Variants in PDE5A observed in about 807,000 individuals in gnomAD.
PDE5A encodes phosphodiesterase 5A.
Under a neutral mutation model 110.2 loss-of-function variants are expected in PDE5A, and 67 were observed. The ratio of observed to expected loss-of-function variants is 0.61; its 90% CI spans 0.50 to 0.75. PDE5A has a LOEUF of 0.75. Among genes scored for constraint, PDE5A ranks in the 30% least tolerant of loss-of-function variants. PDE5A has a pLI of 0.00. For synonymous variants in PDE5A, 328 were observed against 351.2 expected (o/e 0.93, Z 0.74); for missense variants, 862 against 1,045.1 (o/e 0.82, Z 2.42).
chr4:119,501,752 A>T (rs900047342), intron 19 of PDE5A, among the ~76,000 whole-genome samples: 5 of 152,218 alleles, frequency 3.3e-5, no homozygotes, highest in Non-Finnish European at 7.3e-5. Flanking sequence ...GGCTGAGAGG[A>T]ATCTTTACTT....
chr4:119,508,782 A>C (rs1391511767), intron 15 of PDE5A, among the ~76,000 whole-genome samples: 1 of 152,002 alleles, frequency 6.6e-6, no homozygotes, highest in Admixed American at 6.6e-5. Flanking sequence ...TTTTGGTGCT[A>C]TATTTTTATT....
At chr4:119,502,786 C>T (rs933828252) in intron 18 of PDE5A, 131 bp from the exon 19 acceptor site, 43 of 610,418 alleles carry the variant, frequency 7.0e-5, no homozygotes, top group African/African-American at 2.0e-4. Flanking sequence ...GCTTGATACC[C>T]GAAGACAAGT....
intron 1 of PDE5A, among the ~76,000 whole-genome samples, chr4:119,626,201 G>A (rs1457424816): frequency 2.0e-5 from 3 of 152,148 alleles, no homozygotes; most frequent in African/African-American, 7.2e-5. Flanking sequence ...ATTTTACAGT[G>A]AGCATGGTAA....
At chr4:119,619,087 A>G (rs1730047560) in intron 1 of PDE5A, among the ~76,000 whole-genome samples, 1 of 152,100 alleles carries the variant, frequency 6.6e-6, no homozygotes, top group African/African-American at 2.4e-5. Flanking sequence ...AGTATACTAA[A>G]TTTTCTGACT....
intron 8 of PDE5A, among the ~76,000 whole-genome samples, chr4:119,553,400 T>C (rs1288112396): frequency 2.6e-5 from 4 of 152,050 alleles, no homozygotes; most frequent in African/African-American, 9.7e-5. Flanking sequence ...TCAAAAATAG[T>C]ACGGTAACTT....
chr4:119,504,554 G>T lies in PDE5A; in HGVS notation c.2313C>A (p.Pro771=). The change falls in exon 18 of 21, where the codon CCC becomes CCA. Residue 771 remains proline, a synonymous_variant. Transcript: ENST00000354960. The part of the protein sequence containing the change: ...TACDLSAITK[P]WPIQQRIAEL... Reference sequence around the variant, plus strand: ...AACATACCCGTTGTTGAATAGGCCAGGGTTTTGTAATTGCAGAAAGATCAC... The same window carrying T: ...AACATACCCGTTGTTGAATAGGCCATGGTTTTGTAATTGCAGAAAGATCAC... 6.2e-7 allele frequency: 1 copy of T among 1,612,176 alleles called. No homozygotes were observed.
intron 7 of PDE5A, among the ~76,000 whole-genome samples, chr4:119,558,936 G>T (rs1281708152): frequency 2.3e-5 from 2 of 87,976 alleles, no homozygotes; most frequent in Non-Finnish European, 4.8e-5. Flanking sequence ...AAAAAAAAAA[G>T]CTAACTTTAA....
chr4:119,617,095 A>C (rs1729969604), intron 1 of PDE5A, among the ~76,000 whole-genome samples: 1 of 152,200 alleles, frequency 6.6e-6, no homozygotes, highest in Non-Finnish European at 1.5e-5. Flanking sequence ...AAAAAAATGA[A>C]ATGTAACTGT....
intron 5 of PDE5A, among the ~76,000 whole-genome samples, chr4:119,564,032 G>GA (rs11352066): frequency 6.6e-6 from 1 of 150,562 alleles, no homozygotes; most frequent in Non-Finnish European, 1.5e-5. Flanking sequence ...CATGATGAAT[G>GA]AAAAAAAATA....
At chr4:119,565,492 T>C (rs1332400424) in intron 4 of PDE5A, 82 bp from the exon 5 acceptor site, 1 of 910,478 alleles carries the variant, frequency 1.1e-6, no homozygotes, top group East Asian at 2.5e-5. Context: ...CCTCAAATAT[T>C]TACAGTTAGA....
chr4:119,603,972 T>TAATG (rs1167831236), intron 2 of PDE5A, among the ~76,000 whole-genome samples: 3 of 152,230 alleles, frequency 2.0e-5, no homozygotes, highest in African/African-American at 7.2e-5. Context: ...TGGTGCTTAG[T>TAATG]AATGAATTAT....
intron 3 of PDE5A, among the ~76,000 whole-genome samples, chr4:119,578,258 C>G (rs1260189468): frequency 2.0e-5 from 3 of 152,140 alleles, no homozygotes; most frequent in Admixed American, 6.5e-5. Context: ...AATGGCCATA[C>G]TGCCCAAGGT....
intron 11 of PDE5A, among the ~76,000 whole-genome samples, chr4:119,536,043 G>T (rs1326680075): frequency 1.3e-5 from 2 of 152,202 alleles, no homozygotes; most frequent in East Asian, 3.9e-4. Flanking sequence ...CAATTTAAGT[G>T]AATTACTTGA....
At chr4:119,616,832 T>TC (rs1729959925) in intron 1 of PDE5A, among the ~76,000 whole-genome samples, 1 of 152,174 alleles carries the variant, frequency 6.6e-6, no homozygotes, top group Non-Finnish European at 1.5e-5. Flanking sequence ...GTTTATTTTA[T>TC]CAAAATTACA....
At position 119,496,242 on chromosome 4, in the gene PDE5A, A is replaced by T. The variant is rs1725067040; in HGVS notation, c.*2359T>A. ...CAAGAACTTCTTGCTAGTTATGGGT[A>T]ATATAAATACAGAGTAAGGTGAAGG... On this transcript the variant is annotated 3_prime_UTR_variant, in exon 21 of 21. Transcript: ENST00000354960. The T allele has an allele frequency of 6.6e-6, 1 of 152,196 alleles. No individual in the cohort carries two copies. The highest frequency in any genetic ancestry group is 1.5e-5 in the Non-Finnish European group (1 of 68,028). The allele number at this position is 152,196 out of a possible 1,614,324, so 9.4% of individuals were successfully genotyped here. A position where few individuals can be genotyped will look rare whatever the true frequency, so the allele number is the denominator to read the frequency against.
chr4:119,618,698 A>C (rs1578833204), intron 1 of PDE5A, among the ~76,000 whole-genome samples: 1 of 117,018 alleles, frequency 8.5e-6, no homozygotes, highest in African/African-American at 2.9e-5. Flanking sequence ...CTGTTTGACA[A>C]CAAATGTAAA....
rs540583306 is a variant in PDE5A, at chr4:119,624,967, T to C, written c.152+3553A>G. Among the ~76,000 whole-genome samples, 4 of 152,102 alleles carry C rather than the reference T, an allele frequency of 2.6e-5. No homozygotes were observed. The South Asian group carries it at 8.3e-4, about 32-fold the overall frequency. On this transcript the variant is annotated intron_variant, in intron 1 of 20. Transcript: ENST00000354960. Reference sequence around the variant, plus strand: ...GAATCATTCAATTGACACCTTCAAATGGACATAAACAGGTTGTGATAACTA... The same window carrying C: ...GAATCATTCAATTGACACCTTCAAACGGACATAAACAGGTTGTGATAACTA...
At chr4:119,562,198 G>T (rs1727767200) in intron 6 of PDE5A, among the ~76,000 whole-genome samples, 1 of 152,208 alleles carries the variant, frequency 6.6e-6, no homozygotes, top group South Asian at 2.1e-4. Flanking sequence ...CAAGACAGCT[G>T]GCCTGGCTGT....
At chr4:119,566,970 T>C in intron 4 of PDE5A, 103 bp downstream of exon 4, 2 of 784,928 alleles carry the variant, frequency 2.5e-6, no homozygotes, top group South Asian at 3.2e-5. Flanking sequence ...CTAATTTTTT[T>C]GTGTGACCAA....
Sources: allele counts gnomAD v4.1 joint callset (sites outside exome capture counted in the v4.1 genomes callset), GRCh38; gene constraint gnomAD v4.1.1; transcripts MANE v1.5; gene names NCBI Gene and HGNC (gene_info 2026-07-23, HGNC 2026-07-21).